The following CARD8 variants were observed in gnomAD, a reference collection of about 807,000 sequenced individuals.
The protein encoded by CARD8 is caspase recruitment domain-containing protein 8.
Under a neutral mutation model 53.2 loss-of-function variants are expected in CARD8, and 38 were observed. The ratio of observed to expected loss-of-function variants is 0.71; its 90% CI spans 0.55 to 0.94. CARD8 has a LOEUF of 0.94. Among genes scored for constraint, CARD8 ranks in the 40% least tolerant of loss-of-function variants. The pLI is 0.00. For synonymous variants in CARD8, 245 were observed against 244.9 expected (o/e 1.00, Z 0.00); for missense variants, 561 against 655.5 (o/e 0.86, Z 1.57).
intron 12 of CARD8, 105 bp from the exon 13 acceptor site, chr19:48,215,489 T>G (rs959035952): frequency 5.2e-5 from 40 of 772,774 alleles, no homozygotes; most frequent in Non-Finnish European, 8.2e-5. Context: ...TAATTCTACA[T>G]ATGTCATAAG....
intron 13 of CARD8, among the ~76,000 whole-genome samples, chr19:48,214,235 G>A (rs775103905): frequency 2.0e-5 from 3 of 152,204 alleles, no homozygotes; most frequent in African/African-American, 2.4e-5. Context: ...CGTCAGATAT[G>A]AGCAGGGCAG....
chr19:48,220,094 A>G lies in CARD8; in HGVS notation c.1162-1082T>C, dbSNP rs563659589. Among the ~76,000 whole-genome samples, 19 of 152,334 alleles carry G rather than the reference A, an allele frequency of 1.2e-4. No homozygotes were observed. In the South Asian group the frequency reaches 3.9e-3, roughly 32 times the overall value. On this transcript the variant is annotated intron_variant, in intron 11 of 13. Coordinates refer to ENST00000651546, the MANE Select transcript of CARD8 (RefSeq NM_001184900.3). ...ATTTCTATATCAGCAATGTTTATGG[A>G]AGGTTCTGCAACAGCCAAGAATGTA...
intron 1 of CARD8, among the ~76,000 whole-genome samples, chr19:48,253,823 A>C (rs1169509504): frequency 6.6e-6 from 1 of 152,156 alleles, no homozygotes; most frequent in Non-Finnish European, 1.5e-5. Context: ...ATAATCCTCC[A>C]CTCTTGTGGG....
In CARD8 at chr19:48,234,384, A is replaced by G. The variant is rs369385609; in HGVS notation, c.350+19T>C. On this transcript the variant is annotated intron_variant, in intron 6 of 13. Transcript: ENST00000651546. ...AGACACAGCGTCCAATAGTTTTCCA[A>G]CGGAATAGCTTTTCTTACCTGGGAA... The G allele has an allele frequency of 9.4e-5, 151 of 1,599,944 alleles. 1 individual carries two copies. The highest frequency in any genetic ancestry group is 8.3e-4 in the Middle Eastern group (5 of 5,994).
In CARD8 at chr19:48,243,193, T is replaced by A. The variant is rs535163479; in HGVS notation, c.-43-2130A>T. 2.0e-4 allele frequency among the ~76,000 whole-genome samples: 31 copies of A among 152,252 alleles called. No individual in the cohort carries two copies. In the South Asian group the frequency reaches 6.0e-3, roughly 29 times the overall value. On this transcript the variant is annotated intron_variant, in intron 3 of 13. Transcript: ENST00000651546. Reference sequence around the variant, plus strand: ...ACGCCTGGCTAATTTTTTTGTATTTTTAGTAGAGACGGGGTTTCACCGTGT... The same window carrying A: ...ACGCCTGGCTAATTTTTTTGTATTTATAGTAGAGACGGGGTTTCACCGTGT...
chr19:48,240,366 C>T (rs2044747956), intron 4 of CARD8, among the ~76,000 whole-genome samples: 1 of 152,162 alleles, frequency 6.6e-6, no homozygotes, highest in Admixed American at 6.5e-5. Context: ...GCTGGAAGAA[C>T]AGCCCTAGAC....
intron 4 of CARD8, among the ~76,000 whole-genome samples, chr19:48,239,769 C>G (rs1465401584): frequency 1.3e-5 from 2 of 152,166 alleles, no homozygotes; most frequent in Non-Finnish European, 2.9e-5. Context: ...AGTCACCATG[C>G]CTGGCCAAGG....
chr19:48,250,658 T>G (rs910833381), intron 1 of CARD8, among the ~76,000 whole-genome samples: 2 of 152,194 alleles, frequency 1.3e-5, no homozygotes, highest in African/African-American at 4.8e-5. Flanking sequence ...TCATCCCATG[T>G]TGTGGGGAGT....
At chr19:48,212,161 G>A (rs1013223816) in intron 13 of CARD8, among the ~76,000 whole-genome samples, 186 bp from the exon 14 acceptor site, 2 of 152,200 alleles carry the variant, frequency 1.3e-5, no homozygotes, top group African/African-American at 4.8e-5. Flanking sequence ...CAAATGCATT[G>A]AGGTGTCTCA....
chr19:48,238,619 T>A, intron 4 of CARD8, 87 bp from the exon 5 acceptor site: 1 of 1,268,450 alleles, frequency 7.9e-7, no homozygotes. Context: ...GTAGCGAAAG[T>A]AGCCCGATCC....
intron 1 of CARD8, among the ~76,000 whole-genome samples, chr19:48,250,068 A>C (rs911745445): frequency 6.6e-6 from 1 of 152,196 alleles, no homozygotes; most frequent in African/African-American, 2.4e-5. Context: ...TTGTGTTGTT[A>C]ATACTAATAA....
In CARD8 at chr19:48,211,642, C is replaced by G; in HGVS notation, c.*68G>C. The G allele has an allele frequency of 6.9e-7, 1 of 1,446,890 alleles. No homozygotes were observed. The highest frequency in any genetic ancestry group is 1.3e-5 in the South Asian group (1 of 79,214). The allele number at this position is 1,446,890 out of a possible 1,614,324, so 89.6% of individuals were successfully genotyped here. A position where few individuals can be genotyped will look rare whatever the true frequency, so the allele number is the denominator to read the frequency against. ...TCTTGAACACTGAAATCAATGATCA[C>G]ATTTCTGTTTATCCATTTCCAATGA... On this transcript the variant is annotated 3_prime_UTR_variant, in exon 14 of 14. Transcript: ENST00000651546.
At position 48,211,671 on chromosome 19, in the gene CARD8, C is replaced by G. The variant is rs533501140; in HGVS notation, c.*39G>C. 1 of 1,583,558 alleles carries G rather than the reference C, an allele frequency of 6.3e-7. No individual in the cohort carries two copies. Among genetic ancestry groups the G allele is most frequent in the Non-Finnish European group, 8.6e-7 (1 of 1,159,776 alleles). On this transcript the variant is annotated 3_prime_UTR_variant, in exon 14 of 14. Transcript: ENST00000651546. ...TCTGTTTATCCATTTCCAATGAGAA[C>G]GCTGGATTCTCTCTTCCAGACTACC... is the stretch of plus-strand genomic sequence containing the variant.
intron 8 of CARD8, 57 bp downstream of exon 8, chr19:48,231,603 T>C: frequency 6.6e-7 from 1 of 1,523,562 alleles, no homozygotes. Context: ...ACGCCTGGCC[T>C]ACACACTTCC....
chr19:48,242,810 C>T (rs145265734), intron 3 of CARD8, among the ~76,000 whole-genome samples: 4 of 152,294 alleles, frequency 2.6e-5, no homozygotes, highest in South Asian at 2.1e-4. Context: ...CGCCAATTTC[C>T]GTGCTCGCTT....
At chr19:48,253,895 A>C (rs977123148) in intron 1 of CARD8, among the ~76,000 whole-genome samples, 3 of 152,184 alleles carry the variant, frequency 2.0e-5, no homozygotes, top group Non-Finnish European at 4.4e-5. Context: ...AAGATATAAA[A>C]AATTGACCAA....
At chr19:48,221,877 C>T in intron 10 of CARD8, 22 bp from the exon 11 acceptor site, 2 of 1,552,966 alleles carry the variant, frequency 1.3e-6, no homozygotes. Context: ...GGGGCAGAAA[C>T]ATTAGAGAGC....
At position 48,221,869 on chromosome 19, in the gene CARD8, G is replaced by A. The variant is rs777647245; in HGVS notation, c.1036-14C>T. On this transcript the variant is annotated splice_polypyrimidine_tract_variant and intron_variant, in intron 10 of 13. Coordinates refer to ENST00000651546, the MANE Select transcript of CARD8 (RefSeq NM_001184900.3). The stretch of plus-strand genomic sequence containing the variant: ...ATCATCTATCGCCTAAGGAAGAAGG[G>A]GCAGAAACATTAGAGAGCACAAAAA... 7 of 1,572,692 alleles carry A rather than the reference G, an allele frequency of 4.5e-6. No individual in the cohort carries two copies. The highest frequency in any genetic ancestry group is 6.1e-6 in the Non-Finnish European group (7 of 1,154,494).
intron 10 of CARD8, chr19:48,223,847 T>A (rs1477410415): frequency 2.2e-6 from 1 of 456,186 alleles, no homozygotes; most frequent in African/African-American, 2.0e-5. Context: ...CACTGATGTA[T>A]CCTCAGCCTC....
Sources: allele counts gnomAD v4.1 joint callset (sites outside exome capture counted in the v4.1 genomes callset), GRCh38; gene constraint gnomAD v4.1.1; transcripts MANE v1.5; gene names NCBI Gene and HGNC (gene_info 2026-07-23, HGNC 2026-07-21).